PRKACB: variants seen among roughly 807,000 people sequenced by gnomAD.
The protein encoded by PRKACB is cAMP-dependent protein kinase catalytic subunit beta.
A neutral mutation model predicts 51.4 loss-of-function variants in PRKACB; 16 were observed. That is an observed-to-expected ratio of 0.31 (90% CI 0.21 to 0.47). PRKACB has a LOEUF of 0.47. Ranked by LOEUF, PRKACB falls within the 20% of genes least tolerant of loss-of-function variation. The probability of loss-of-function intolerance (pLI) is 1.00; values close to 1 mark genes in which losing one functional copy is unlikely to be tolerated. For synonymous variants in PRKACB, 147 were observed against 154.4 expected (o/e 0.95, Z 0.35); for missense variants, 309 against 464.5 (o/e 0.67, Z 3.08).
chr1:84,216,822 C>T (rs633253), intron 9 of PRKACB, among the ~76,000 whole-genome samples: 145,055 of 152,222 alleles, frequency 0.95, 69,524 homozygotes, highest in East Asian at 1. Context: ...TCTTCAGATT[C>T]TCAATTCCAG....
intron 1 of PRKACB, among the ~76,000 whole-genome samples, chr1:84,084,632 G>C (rs1647817201): frequency 6.6e-6 from 1 of 152,140 alleles, no homozygotes; most frequent in African/African-American, 2.4e-5. Context: ...TCTGAAATGG[G>C]AGAAATTTGA....
chr1:84,096,799 A>G (rs1648958517), intron 1 of PRKACB, among the ~76,000 whole-genome samples: 1 of 152,108 alleles, frequency 6.6e-6, no homozygotes, highest in African/African-American at 2.4e-5. Context: ...TTAAGCTTAT[A>G]GATTGAAGAG....
intron 9 of PRKACB, among the ~76,000 whole-genome samples, chr1:84,223,808 T>C (rs1046455496): frequency 6.6e-5 from 10 of 152,356 alleles, no homozygotes; most frequent in African/African-American, 2.4e-4. Context: ...TTGAATTCTT[T>C]TTCAGACATT....
chr1:84,144,336 A>G lies in PRKACB; in HGVS notation c.-26A>G. On this transcript the variant is annotated 5_prime_UTR_variant, in exon 1 of 10. Transcript: ENST00000370685. ...TCCTTCTGGAAACATTTGCAGTTAC[A>G]TTAAGTAAAGTGTAAATGCACATGA... is the stretch of plus-strand genomic sequence containing the variant. 1.9e-6 allele frequency: 3 copies of G among 1,604,826 alleles called. No individual in the cohort carries two copies. Among genetic ancestry groups the G allele is most frequent in the South Asian group, 1.1e-5 (1 of 89,652 alleles).
chr1:84,111,201 C>T (rs1433215273), intron 1 of PRKACB, among the ~76,000 whole-genome samples: 4 of 151,920 alleles, frequency 2.6e-5, no homozygotes, highest in African/African-American at 9.7e-5. Flanking sequence ...TTCATTTTTT[C>T]CCTATCACTT....
intron 1 of PRKACB, among the ~76,000 whole-genome samples, chr1:84,110,000 A>G (rs1436133698): frequency 6.6e-6 from 1 of 151,836 alleles, no homozygotes; most frequent in Non-Finnish European, 1.5e-5. Context: ...TAAAAGGCCT[A>G]CTCATACTTT....
At chr1:84,164,210 A>T (rs1340787532) in intron 1 of PRKACB, 2 of 1,331,828 alleles carry the variant, frequency 1.5e-6, no homozygotes, top group Admixed American at 5.8e-5. Flanking sequence ...AATGGTTAAC[A>T]TTTGTGCTGC....
chr1:84,196,976 G>A (rs1439126166), intron 6 of PRKACB, among the ~76,000 whole-genome samples: 2 of 152,122 alleles, frequency 1.3e-5, no homozygotes, highest in Non-Finnish European at 2.9e-5. Flanking sequence ...CTTGCATAAG[G>A]AGATATTAAT....
At chr1:84,229,031 C>A (rs1408424867) in intron 9 of PRKACB, among the ~76,000 whole-genome samples, 1 of 148,532 alleles carries the variant, frequency 6.7e-6, no homozygotes, top group African/African-American at 2.5e-5. Flanking sequence ...GCTGCACCCA[C>A]TAACTCGTCA....
chr1:84,083,792 G>A (rs977161821), intron 1 of PRKACB, among the ~76,000 whole-genome samples: 1 of 152,076 alleles, frequency 6.6e-6, no homozygotes, highest in Non-Finnish European at 1.5e-5. Context: ...AATATGCTTA[G>A]GTCACTATCA....
At chr1:84,176,514 CTT>C (rs1305737183) in intron 1 of PRKACB, among the ~76,000 whole-genome samples, 1 of 151,510 alleles carries the variant, frequency 6.6e-6, no homozygotes, top group East Asian at 1.9e-4. Context: ...TTTTGATTAA[CTT>C]ATATTTTTAC....
chr1:84,206,262 T>C (rs1454240439), intron 8 of PRKACB, among the ~76,000 whole-genome samples: 1 of 152,132 alleles, frequency 6.6e-6, no homozygotes, highest in Non-Finnish European at 1.5e-5. Context: ...TAAACATAAG[T>C]ATATACTGAA....
intron 1 of PRKACB, among the ~76,000 whole-genome samples, chr1:84,122,362 T>C (rs1651155465): frequency 6.6e-6 from 1 of 152,184 alleles, no homozygotes; most frequent in Admixed American, 6.6e-5. Flanking sequence ...CTCTTTGAAA[T>C]CTTATACTCA....
chr1:84,107,423 C>T (rs954132378), intron 1 of PRKACB, among the ~76,000 whole-genome samples: 2 of 151,936 alleles, frequency 1.3e-5, no homozygotes, highest in Non-Finnish European at 2.9e-5. Context: ...GACATAAGAA[C>T]GGGCAAAAAT....
intron 9 of PRKACB, among the ~76,000 whole-genome samples, chr1:84,228,881 C>T (rs531721354): frequency 6.6e-6 from 1 of 151,386 alleles, no homozygotes; most frequent in East Asian, 1.9e-4. Context: ...GTTTTGTAAC[C>T]TTAGGAGCCA....
At chr1:84,121,852 T>C (rs1651105551) in intron 1 of PRKACB, among the ~76,000 whole-genome samples, 1 of 152,078 alleles carries the variant, frequency 6.6e-6, no homozygotes. Flanking sequence ...GCACACACTC[T>C]CTTTTCTGGG....
Position 84,084,609 on chromosome 1 carries a change from A to G in PRKACB, c.46+6238A>G, listed in dbSNP as rs1222475399. ...CTGAACCAAGGTGGTAGAGGTTGGG[A>G]TGGAGAAAAGGATCTGAAATGGGAG... On this transcript the variant is annotated intron_variant, in intron 1 of 8. Coordinates refer to the PRKACB transcript ENST00000370688. Among the ~76,000 whole-genome samples the G allele has an allele frequency of 2.0e-5, 3 of 152,130 alleles. 1 individual carries two copies. The highest frequency in any genetic ancestry group is 4.4e-5 in the Non-Finnish European group (3 of 68,028).
rs564736739 is a variant in PRKACB at position 84,228,929 on chromosome 1, C to CT, written c.1072-6240dup. Among the ~76,000 whole-genome samples the CT allele has an allele frequency of 9.0e-3, 1,302 of 145,290 alleles. 16 individuals carry two copies. The highest frequency in any genetic ancestry group is 0.024 in the Middle Eastern group (7 of 286). On this transcript the variant is annotated intron_variant, in intron 9 of 9. Coordinates refer to ENST00000370685, the MANE Select transcript of PRKACB (RefSeq NM_182948.4). ...CAACAGTTAATTATCCCAGAAATTTCTTTTTTTTTTTATTATTATACTTTA... is the reference window on the plus strand; with the variant it reads ...CAACAGTTAATTATCCCAGAAATTTCTTTTTTTTTTTTATTATTATACTTTA...
chr1:84,141,057 A>G (rs1268781244), upstream of PRKACB, among the ~76,000 whole-genome samples: 1 of 151,516 alleles, frequency 6.6e-6, no homozygotes, highest in African/African-American at 2.4e-5. Flanking sequence ...AGAAACCAAT[A>G]TTTTGTGGTA....
Sources: gnomAD v4.1 joint callset for allele counts (sites outside exome capture counted in the v4.1 genomes callset) on GRCh38, gnomAD v4.1.1 for gene constraint, MANE v1.5 for transcripts, NCBI Gene and HGNC (gene_info 2026-07-23, HGNC 2026-07-21) for gene names.